ATAD3C: variants seen among roughly 807,000 people sequenced by gnomAD.
ATAD3C encodes the protein ATPase family AAA domain containing 3C, also known as ATPase family AAA domain-containing protein 3C.
In ATAD3C, 38 loss-of-function variants were observed where a neutral mutation model predicts 46.3. The observed-to-expected ratio is 0.82, with a 90% CI of 0.63 to 1.08. The LOEUF is 1.08. Ranked by LOEUF, ATAD3C falls within the 50% of genes least tolerant of loss-of-function variation. The probability of loss-of-function intolerance (pLI) is 0.00; values close to 1 mark genes in which losing one functional copy is unlikely to be tolerated. For missense variants in ATAD3C, 563 were observed against 572.7 expected (o/e 0.98, Z 0.17); for synonymous variants, 220 against 236.4 (o/e 0.93, Z 0.63).
At chr1:1,465,825 A>G (rs1020597562) in intron 11 of ATAD3C, among the ~76,000 whole-genome samples, 1 of 151,894 alleles carries the variant, frequency 6.6e-6, no homozygotes, top group African/African-American at 2.4e-5. Context: ...CCTGGCCACA[A>G]CTTCCAGTGG....
Position 1,462,902 on chromosome 1 carries a change from A to G in ATAD3C, c.1089+194A>G, listed in dbSNP as rs1296608761. ...AGCAGCGTGCACCTGCTCCAGCAAGAAGGGTGGGGCCATGTCAGTGGCTGA... is the reference window on the plus strand; with the variant it reads ...AGCAGCGTGCACCTGCTCCAGCAAGGAGGGTGGGGCCATGTCAGTGGCTGA... On this transcript the variant is annotated intron_variant, in intron 11 of 11. Transcript: ENST00000378785. This position sits in a 1 kb window ranked among gnomAD's most constrained non-coding sequence, Gnocchi z 4.5. Among the ~76,000 whole-genome samples, 1 of 152,052 alleles carries G rather than the reference A, an allele frequency of 6.6e-6. No individual in the cohort carries two copies.
At chr1:1,454,776 T>C (rs1024566148) in intron 4 of ATAD3C, among the ~76,000 whole-genome samples, 1 of 151,500 alleles carries the variant, frequency 6.6e-6, no homozygotes, top group African/African-American at 2.4e-5. Flanking sequence ...GGGATTTGGG[T>C]GTGCGGCCGT....
chr1:1,457,751 T>C lies in ATAD3C; in HGVS notation c.741+571T>C, dbSNP rs538620502. 8.6e-5 allele frequency among the ~76,000 whole-genome samples: 13 copies of C among 151,818 alleles called. No individual in the cohort carries two copies. The South Asian group carries it at 2.7e-3, about 32-fold the overall frequency. ...TGGAGTTCAGTGGCGTGATCTCGGC[T>C]CACTGCAACCTCCGCCTCCCAGTGC... On this transcript the variant is annotated intron_variant, in intron 8 of 11. Coordinates refer to ENST00000378785, the MANE Select transcript of ATAD3C (RefSeq NM_001039211.3).
intron 8 of ATAD3C, among the ~76,000 whole-genome samples, chr1:1,458,422 G>A (rs1639002801): frequency 6.6e-6 from 1 of 151,156 alleles, no homozygotes; most frequent in South Asian, 2.1e-4. Flanking sequence ...TTACAGTCAT[G>A]TACCACCACA....
Position 1,456,210 on chromosome 1 carries a change from A to G in ATAD3C, c.565-15A>G, listed in dbSNP as rs1294687149. 4.7e-6 allele frequency: 7 copies of G among 1,502,826 alleles called. No individual in the cohort carries two copies. The highest frequency in any genetic ancestry group is 4.5e-5 in the Admixed American group (2 of 44,118). The allele number at this position is 1,502,826 out of a possible 1,614,324, so 93.1% of individuals were successfully genotyped here. On this transcript the variant is annotated splice_polypyrimidine_tract_variant and intron_variant, in intron 6 of 11. Coordinates refer to ENST00000378785, the MANE Select transcript of ATAD3C (RefSeq NM_001039211.3). ...GGGAACATCTGTTCTGTCTCCCCTC[A>G]CTCTTCTTGTCCAGAAACTCGCCCT... is the stretch of plus-strand genomic sequence containing the variant.
At chr1:1,454,085 C>T (rs913479887) in intron 3 of ATAD3C, among the ~76,000 whole-genome samples, 6 of 152,104 alleles carry the variant, frequency 3.9e-5, no homozygotes, top group African/African-American at 1.2e-4. Flanking sequence ...CCCCGCTCAG[C>T]GACCAGAGCT....
chr1:1,465,589 TAAAAAAAA>T (rs1156747431), intron 11 of ATAD3C, among the ~76,000 whole-genome samples: 3 of 110,524 alleles, frequency 2.7e-5, no homozygotes, highest in African/African-American at 1.0e-4. Flanking sequence ...AGACTGTCTT[TAAAAAAAA>T]AAAAAAAAAA....
rs751303925 is a variant in ATAD3C, at chr1:1,460,711, G to A, written c.813-39G>A. On this transcript the variant is annotated intron_variant, in intron 9 of 11. Coordinates refer to ENST00000378785, the MANE Select transcript of ATAD3C (RefSeq NM_001039211.3). ...CTGTTCCCCTGGGGACAGCTCGGCCGGCAGCCCCAGCGTTTCCTTCCCCAT... is the reference window on the plus strand; with the variant it reads ...CTGTTCCCCTGGGGACAGCTCGGCCAGCAGCCCCAGCGTTTCCTTCCCCAT... 1.4e-5 allele frequency: 22 copies of A among 1,557,338 alleles called. 1 individual carries two copies. Among genetic ancestry groups the A allele is most frequent in the Middle Eastern group, 3.4e-4 (2 of 5,830 alleles).
rs781262886 is a variant in ATAD3C, at chr1:1,468,736, GC to G, written c.*207del. Reference sequence around the variant, plus strand: ...GGTGACAGAAAAGGCAGAAGCTGGGGCTTTCTGGAGGATTTAACCACAGAGG... The same window carrying G: ...GGTGACAGAAAAGGCAGAAGCTGGGGTTTCTGGAGGATTTAACCACAGAGG... On this transcript the variant is annotated 3_prime_UTR_variant, in exon 12 of 12. Transcript: ENST00000378785. 1.1e-6 allele frequency: 1 copy of G among 910,516 alleles called. No homozygotes were observed. Among genetic ancestry groups the G allele is most frequent in the Non-Finnish European group, 1.6e-6 (1 of 609,624 alleles). 56.4% of individuals were successfully genotyped at this position (910,516 alleles called of 1,614,324 possible). A position where few individuals can be genotyped will look rare whatever the true frequency, so the allele number is the denominator to read the frequency against.
At chr1:1,453,421 C>T (rs915769454) in intron 3 of ATAD3C, among the ~76,000 whole-genome samples, 9 of 152,054 alleles carry the variant, frequency 5.9e-5, no homozygotes, top group East Asian at 3.9e-4. Context: ...AGGATGGTCT[C>T]GAACTCTTGA....
chr1:1,462,008 A>G lies in ATAD3C; in HGVS notation c.981-592A>G, dbSNP rs1358853250. Among the ~76,000 whole-genome samples, 3 of 152,010 alleles carry G rather than the reference A, an allele frequency of 2.0e-5. No individual in the cohort carries two copies. The highest frequency in any genetic ancestry group is 4.8e-5 in the African/African-American group (2 of 41,394). Reference sequence around the variant, plus strand: ...GGCTGCCTCGGGAACACTCCAGATGAGCAGAGGCTGCTCTACTTCTTGGCG... The same window carrying G: ...GGCTGCCTCGGGAACACTCCAGATGGGCAGAGGCTGCTCTACTTCTTGGCG... On this transcript the variant is annotated intron_variant, in intron 10 of 11. Transcript: ENST00000378785. This position sits in a 1 kb window ranked among gnomAD's most constrained non-coding sequence, Gnocchi z 4.5.
chr1:1,459,468 C>T lies in ATAD3C; in HGVS notation c.812+237C>T, dbSNP rs555941983. ...TGGGGTCAGTCCTGTCCTCACGGCC[C>T]TGTGCACCGCCGCCCCAGCTTGCAG... On this transcript the variant is annotated intron_variant, in intron 9 of 11. Coordinates refer to ENST00000378785, the MANE Select transcript of ATAD3C (RefSeq NM_001039211.3). The surrounding 1 kb of genome is among the most constrained non-coding windows in gnomAD (Gnocchi z 4.9). 3.5e-4 allele frequency among the ~76,000 whole-genome samples: 53 copies of T among 152,058 alleles called. No individual in the cohort carries two copies. The highest frequency in any genetic ancestry group is 6.5e-4 in the Non-Finnish European group (44 of 67,984).
intron 11 of ATAD3C, among the ~76,000 whole-genome samples, chr1:1,466,003 A>G (rs1161051694): frequency 6.6e-6 from 1 of 151,794 alleles, no homozygotes; most frequent in Non-Finnish European, 1.5e-5. Context: ...TTTATCATAA[A>G]AGTGTGAGGT....
chr1:1,463,397 C>A (rs113803290), intron 11 of ATAD3C, among the ~76,000 whole-genome samples: 4,215 of 152,180 alleles, frequency 0.028, 233 homozygotes, highest in African/African-American at 0.095. Context: ...TCTGGTCACT[C>A]GATCTAGCAG....
chr1:1,455,747 G>A (rs1638948568), intron 5 of ATAD3C, 44 bp from the exon 6 acceptor site: 4 of 1,610,216 alleles, frequency 2.5e-6, no homozygotes, highest in Non-Finnish European at 3.4e-6. Flanking sequence ...CGAGGCTTCT[G>A]TGGGTGCAGA....
intron 4 of ATAD3C, 42 bp downstream of exon 4, chr1:1,454,542 G>T: frequency 7.6e-6 from 12 of 1,585,980 alleles, no homozygotes; most frequent in Non-Finnish European, 1.0e-5. Context: ...CAAGTGCCTG[G>T]CTGAGTCCCT....
chr1:1,453,444 C>T (rs1337078987), intron 3 of ATAD3C, among the ~76,000 whole-genome samples: 1 of 151,996 alleles, frequency 6.6e-6, no homozygotes, highest in African/African-American at 2.4e-5. Flanking sequence ...TCAGGTGATC[C>T]ACCTGCCTTG....
rs1023254171 is a variant in ATAD3C, at chr1:1,468,255, A to G, written c.1090-129A>G. On this transcript the variant is annotated intron_variant, in intron 11 of 11. Transcript: ENST00000378785. ...TGCTGGGCTCTGCCGAGGTGCGGGT[A>G]GCCTGTGTTTCACGCTCAGGCCATC... 149 of 1,400,586 alleles carry G rather than the reference A, an allele frequency of 1.1e-4. 2 individuals are homozygous for G. Among genetic ancestry groups the G allele is most frequent in the Non-Finnish European group, 1.3e-4 (137 of 1,063,872 alleles). 86.8% of individuals were successfully genotyped at this position (1,400,586 alleles called of 1,614,324 possible).
In ATAD3C at chr1:1,459,196, C is replaced by A; in HGVS notation, c.777C>A (p.Asn259Lys). The stretch of plus-strand genomic sequence containing the variant: ...GCGAGGACCTCAGGGCCACACTGAA[C>A]GCCTTCCTGTACCGCACGGGCCAGC... ...KISEDLRATL[N>K]AFLYRTGQHS... Residue 259 changes from asparagine to lysine, a missense_variant, in exon 9 of 12, where the codon AAC becomes AAA. Physicochemically the swap from Asn to Lys is moderately conservative, Grantham distance 94. This residue lies in a region of ATAD3C where 273 missense variants were observed against 253.5 expected (regional missense o/e 1.08). Coordinates refer to ENST00000378785, the MANE Select transcript of ATAD3C (RefSeq NM_001039211.3). This position sits in a 1 kb window ranked among gnomAD's most constrained non-coding sequence, Gnocchi z 4.9. 6.2e-7 allele frequency: 1 copy of A among 1,612,716 alleles called. No homozygotes were observed. The highest frequency in any genetic ancestry group is 8.5e-7 in the Non-Finnish European group (1 of 1,179,638).
Sources: gnomAD v4.1 joint callset for allele counts (sites outside exome capture counted in the v4.1 genomes callset) on GRCh38, gnomAD v4.1.1 for gene constraint, gnomAD v4.1.1 regional missense constraint, Gnocchi (gnomAD v3.1) non-coding constraint, MANE v1.5 for transcripts, NCBI Gene and HGNC (gene_info 2026-07-23, HGNC 2026-07-21) for gene names.